The following VPS33A variants were observed in gnomAD, a reference collection of about 807,000 sequenced individuals.
VPS33A encodes VPS33A core subunit of CORVET and HOPS complexes.
In VPS33A, 32 loss-of-function variants were observed where a neutral mutation model predicts 71.8. That is an observed-to-expected ratio of 0.45 (90% confidence interval 0.34 to 0.60). The LOEUF is 0.60. Ranked by LOEUF, VPS33A falls within the 20% of genes least tolerant of loss-of-function variation. VPS33A has a pLI of 0.02. For missense variants in VPS33A, 625 were observed against 748.5 expected, an observed-to-expected ratio of 0.84 and a Z score of 1.92; for synonymous variants, 311 against 292.7, an observed-to-expected ratio of 1.06 and a Z score of -0.64.
chr12:122,257,460 C>A (rs1592928836), intron 4 of VPS33A, among the ~76,000 whole-genome samples: 1 of 139,606 alleles, frequency 7.2e-6, no homozygotes, highest in East Asian at 2.1e-4. Context: ...GGGCCGGGCG[C>A]AGGTGGAAGC....
In VPS33A at chr12:122,261,303, G is replaced by C; in HGVS notation, c.441C>G (p.Phe147Leu). The C allele has an allele frequency of 6.2e-7, 1 of 1,611,272 alleles. No homozygotes were observed. Among genetic ancestry groups the C allele is most frequent in the Non-Finnish European group, 8.5e-7 (1 of 1,179,206 alleles). ...REEYSLDLIP[F>L]DGDLLSMESE... ...ATTCCATGGATAAGAGATCCCCATC[G>C]AATGGAATGAGATCTAAGCTGTACT... Residue 147 changes from phenylalanine to leucine, a missense_variant, in exon 4 of 13, where the codon TTC (phenylalanine) becomes TTG (leucine). Transcript: ENST00000267199.
At chr12:122,246,131 C>G (rs1248800790) in intron 6 of VPS33A, among the ~76,000 whole-genome samples, 1 of 152,032 alleles carries the variant, frequency 6.6e-6, no homozygotes, top group Non-Finnish European at 1.5e-5. Context: ...CAACATGTAC[C>G]AAGTGCCTTT....
chr12:122,247,621 C>T (rs568971938), intron 6 of VPS33A, among the ~76,000 whole-genome samples: 2 of 152,316 alleles, frequency 1.3e-5, no homozygotes, highest in South Asian at 4.1e-4. Context: ...TTCATTCATC[C>T]ATTCTTGTGG....
Position 122,238,714 on chromosome 12 carries a change from T to C in VPS33A, c.1175A>G (p.Tyr392Cys). The change falls in exon 10 of 13, where the codon TAC becomes TGC. Residue 392 changes from tyrosine (Y) to cysteine (C), a missense_variant. Tyr to Cys is a radical substitution (Grantham distance 194, BLOSUM62 -2). Transcript: ENST00000267199. ...SGIDTDKVNN[Y>C]IEDCIAQKHS... is the part of the protein sequence containing the mutation. ...CTTTTGGGCGATACAATCCTCAATG[T>C]AATTGTTGACCTGGAAATAAAGTAG... 1 of 1,613,094 alleles carries C rather than the reference T, an allele frequency of 6.2e-7. No homozygotes were observed. Among genetic ancestry groups the C allele is most frequent in the Non-Finnish European group, 8.5e-7 (1 of 1,179,796 alleles).
At chr12:122,266,207 C>G in intron 1 of VPS33A, 100 bp downstream of exon 1, 1 of 1,516,162 alleles carries the variant, frequency 6.6e-7, no homozygotes, top group Non-Finnish European at 8.8e-7. Context: ...TTGGAAGCCC[C>G]AAGGACCTCA....
chr12:122,246,117 T>C (rs1592918500), intron 6 of VPS33A, among the ~76,000 whole-genome samples: 1 of 152,220 alleles, frequency 6.6e-6, no homozygotes, highest in African/African-American at 2.4e-5. Context: ...GTAAAGCAAT[T>C]TGGCAACATG....
chr12:122,233,026 C>A, intron 11 of VPS33A, 58 bp from the exon 12 acceptor site: 1 of 1,463,116 alleles, frequency 6.8e-7, no homozygotes, highest in South Asian at 1.4e-5. Context: ...AGCTACCTGA[C>A]TGTGGCCTTT....
chr12:122,242,854 G>A (rs1161823049), intron 7 of VPS33A, among the ~76,000 whole-genome samples: 3 of 152,022 alleles, frequency 2.0e-5, no homozygotes, highest in Non-Finnish European at 4.4e-5. Flanking sequence ...ACGCCTGGCC[G>A]ATATTTTAAG....
intron 6 of VPS33A, among the ~76,000 whole-genome samples, 186 bp from the exon 7 acceptor site, chr12:122,244,948 A>G (rs1335201156): frequency 6.6e-6 from 1 of 152,214 alleles, no homozygotes; most frequent in Non-Finnish European, 1.5e-5. Flanking sequence ...CTGATACCAC[A>G]GTTCTCATTA....
chr12:122,265,517 A>G (rs1428609809), intron 1 of VPS33A: 1 of 234,562 alleles, frequency 4.3e-6, no homozygotes, highest in African/African-American at 2.2e-5. Flanking sequence ...CAACCAGGAT[A>G]CTGACATTGA....
In VPS33A at chr12:122,263,632, A is replaced by G; in HGVS notation, c.236T>C (p.Ile79Thr). 1 of 1,613,292 alleles carries G rather than the reference A, an allele frequency of 6.2e-7. No individual in the cohort carries two copies. The highest frequency in any genetic ancestry group is 8.5e-7 in the Non-Finnish European group (1 of 1,179,396). Reference sequence around the variant, plus strand: ...TAGCCTGGGTCTGACAAAAAAAATTATATTCTTCACATCAGCTGCCGGCAA... The same window carrying G: ...TAGCCTGGGTCTGACAAAAAAAATTGTATTCTTCACATCAGCTGCCGGCAA... ...NRLPAADVKN[I>T]IFFVRPRLEL... The change falls in exon 3 of 13, where the codon ATA (isoleucine) becomes ACA (threonine). Residue 79 changes from isoleucine to threonine, a missense_variant. Physicochemically the swap from Ile to Thr is moderately conservative, Grantham distance 89 (BLOSUM62 -1). Coordinates refer to ENST00000267199, the MANE Select transcript of VPS33A (RefSeq NM_022916.6).
At position 122,244,828 on chromosome 12, in the gene VPS33A, A is replaced by T. The variant is rs56038133; in HGVS notation, c.776-66T>A. On this transcript the variant is annotated intron_variant, in intron 6 of 12. Transcript: ENST00000267199. ...ACTGGAAGAACCAATCCGGTAACCA[A>T]GCACAAAACAGAATTTCCAACTCAG... 9.0e-3 allele frequency: 13,445 copies of T among 1,496,648 alleles called. 993 individuals are homozygous for T. In the African/African-American group the frequency reaches 0.16, roughly 18 times the overall value. 92.7% of individuals were successfully genotyped at this position (1,496,648 alleles called of 1,614,324 possible).
intron 4 of VPS33A, among the ~76,000 whole-genome samples, chr12:122,259,365 A>G (rs1269604939): frequency 6.6e-6 from 1 of 152,042 alleles, no homozygotes; most frequent in African/African-American, 2.4e-5. Context: ...GATTACAGGC[A>G]TGCGCCATCA....
At chr12:122,259,233 T>TATG in intron 4 of VPS33A, among the ~76,000 whole-genome samples, 1 of 117,622 alleles carries the variant, frequency 8.5e-6, no homozygotes, top group Non-Finnish European at 1.9e-5. Context: ...ATGTATGTAT[T>TATG]TTTGAGACAG....
intron 4 of VPS33A, among the ~76,000 whole-genome samples, chr12:122,257,515 A>G (rs1054180949): frequency 6.6e-6 from 1 of 150,800 alleles, no homozygotes; most frequent in Non-Finnish European, 1.5e-5. Flanking sequence ...CTACTAATAC[A>G]CAAAAAAATT....
At chr12:122,244,507 C>T (rs1011475112) in intron 7 of VPS33A, 62 bp downstream of exon 7, 1 of 1,457,942 alleles carries the variant, frequency 6.9e-7, no homozygotes, top group Non-Finnish European at 9.3e-7. Flanking sequence ...TCTTATTCCC[C>T]TCAGGGGTGG....
At chr12:122,251,125 C>T (rs757451330) in intron 4 of VPS33A, 26 bp from the exon 5 acceptor site, 21 of 1,567,388 alleles carry the variant, frequency 1.3e-5, no homozygotes, top group Non-Finnish European at 1.8e-5. Flanking sequence ...CCAATTATTG[C>T]CAGGCCATGG....
chr12:122,251,746 G>A (rs995412222), intron 4 of VPS33A, among the ~76,000 whole-genome samples: 2 of 152,018 alleles, frequency 1.3e-5, no homozygotes, highest in Admixed American at 1.3e-4. Context: ...GACACAGGAA[G>A]GGGAACATCA....
At chr12:122,252,036 T>C (rs898209817) in intron 4 of VPS33A, among the ~76,000 whole-genome samples, 2 of 151,956 alleles carry the variant, frequency 1.3e-5, no homozygotes, top group Admixed American at 6.6e-5. Flanking sequence ...GATAGGAGGA[T>C]TGCTTGAGCT....
Sources: allele counts gnomAD v4.1 joint callset (sites outside exome capture counted in the v4.1 genomes callset), GRCh38; gene constraint gnomAD v4.1.1; transcripts MANE v1.5; gene names NCBI Gene and HGNC (gene_info 2026-07-23, HGNC 2026-07-21).